The following RALGPS1 variants were observed in gnomAD, a reference collection of about 807,000 sequenced individuals.
RALGPS1 encodes the protein ras-specific guanine nucleotide-releasing factor RalGPS1.
Under a neutral mutation model 78.8 loss-of-function variants are expected in RALGPS1, and 19 were observed. The observed-to-expected ratio is 0.24, with a 90% CI of 0.17 to 0.35. The LOEUF (loss-of-function observed/expected upper bound fraction) is 0.35. RALGPS1 is among the 10% of genes least tolerant of loss of function. The pLI is 1.00. For synonymous variants in RALGPS1, 228 were observed against 256.3 expected (o/e 0.89, Z 1.06); for missense variants, 454 against 688.3 (o/e 0.66, Z 3.81).
At chr9:126,973,611 G>A (rs907658702) in intron 3 of RALGPS1, among the ~76,000 whole-genome samples, 6 of 152,100 alleles carry the variant, frequency 3.9e-5, no homozygotes, top group Non-Finnish European at 7.4e-5. Context: ...CAAAATATAC[G>A]TAATATAAAA....
Position 127,214,788 on chromosome 9 carries a change from T to A in RALGPS1, c.1590T>A (p.His530Gln), listed in dbSNP as rs761735864. The A allele has an allele frequency of 6.2e-7, 1 of 1,611,444 alleles. No individual in the cohort carries two copies. The highest frequency in any genetic ancestry group is 2.2e-5 in the East Asian group (1 of 44,634). ...AGTTTCAGACTGGTTCCCGATTTCA[T>A]GCAATACTGTGGCACAAGCATTTGG... ...VYKFQTGSRFHAILWHKHLDD... is the reference protein window; with the variant it reads ...VYKFQTGSRFQAILWHKHLDD... Residue 530 changes from histidine to glutamine, a missense_variant, in exon 18 of 19, where the codon CAT (histidine) becomes CAA (glutamine). His to Gln is a conservative substitution (Grantham distance 24). Transcript: ENST00000259351.
Position 127,165,502 on chromosome 9 carries a change from A to G in RALGPS1, c.611-567A>G, listed in dbSNP as rs141785293. ...TAACATAGCTGTATTTTTATTTCAC[A>G]TCTTATTTTCTTATTAAGCACGATT... is the stretch of plus-strand genomic sequence containing the variant. On this transcript the variant is annotated intron_variant, in intron 8 of 18. Transcript: ENST00000259351. Among the ~76,000 whole-genome samples, 1,103 of 152,314 alleles carry G rather than the reference A, an allele frequency of 7.2e-3. 9 individuals carry two copies. Among genetic ancestry groups the G allele is most frequent in the Non-Finnish European group, 0.011 (777 of 68,008 alleles).
At chr9:127,077,432 G>GT (rs955170565) in intron 8 of RALGPS1, among the ~76,000 whole-genome samples, 11 of 152,192 alleles carry the variant, frequency 7.2e-5, no homozygotes, top group African/African-American at 2.7e-4. Context: ...CCATTTGTGC[G>GT]TTTCAGCTGT....
At chr9:127,168,144 G>C (rs1004756616) in intron 9 of RALGPS1, among the ~76,000 whole-genome samples, 3 of 152,246 alleles carry the variant, frequency 2.0e-5, no homozygotes, top group African/African-American at 7.2e-5. Flanking sequence ...TCAGGTGCCT[G>C]GACCCCTCCC....
chr9:127,185,140 C>T (rs934699353), intron 11 of RALGPS1, among the ~76,000 whole-genome samples: 1 of 152,204 alleles, frequency 6.6e-6, no homozygotes, highest in East Asian at 1.9e-4. Context: ...CCAAGTCCCC[C>T]TCCCTCCATA....
At chr9:126,962,005 AT>A (rs924436712) in intron 1 of RALGPS1, among the ~76,000 whole-genome samples, 1 of 152,102 alleles carries the variant, frequency 6.6e-6, no homozygotes, top group East Asian at 1.9e-4. Context: ...AAATCTTCCA[AT>A]TTTTAAATGT....
chr9:127,119,206 A>C (rs1471639042), intron 8 of RALGPS1, among the ~76,000 whole-genome samples: 1 of 152,198 alleles, frequency 6.6e-6, no homozygotes, highest in Non-Finnish European at 1.5e-5. Context: ...AGGTACCCTC[A>C]TAACTGTGCT....
intron 7 of RALGPS1, 84 bp downstream of exon 7, chr9:127,053,023 C>T: frequency 3.1e-6 from 3 of 983,316 alleles, no homozygotes; most frequent in Non-Finnish European, 4.9e-6. Context: ...CAGCCTTTCT[C>T]TTACTGTCTA....
At chr9:127,070,608 C>G (rs1225902298) in intron 8 of RALGPS1, among the ~76,000 whole-genome samples, 1 of 151,948 alleles carries the variant, frequency 6.6e-6, no homozygotes, top group Non-Finnish European at 1.5e-5. Flanking sequence ...CTTTTTCTTT[C>G]TTTCTTTTTT....
In RALGPS1 at chr9:127,069,315, A is replaced by G; in HGVS notation, c.569A>G (p.Tyr190Cys). 1.2e-6 allele frequency: 2 copies of G among 1,614,090 alleles called. No individual in the cohort carries two copies. Among genetic ancestry groups the G allele is most frequent in the East Asian group, 2.2e-5 (1 of 44,892 alleles). Residue 190 changes from tyrosine (Y) to cysteine (C), a missense_variant, in exon 8 of 19, where the codon TAT becomes TGT. Tyr to Cys is a radical substitution (Grantham distance 194). Coordinates refer to ENST00000259351, the MANE Select transcript of RALGPS1 (RefSeq NM_014636.3). ...KEDNYKRTRE[Y>C]IRSLKMVPSI... is the part of the protein sequence containing the mutation. ...GATAATTACAAGCGGACACGGGAAT[A>G]TATCCGAAGCCTGAAGATGGTTCCA...
intron 14 of RALGPS1, among the ~76,000 whole-genome samples, chr9:127,202,978 A>G (rs1285651251): frequency 1.3e-5 from 2 of 152,118 alleles, no homozygotes; most frequent in Non-Finnish European, 1.5e-5. Context: ...TCTCCAACCA[A>G]CCTCGGGCCC....
chr9:127,113,704 G>C (rs1662282684), intron 8 of RALGPS1, among the ~76,000 whole-genome samples: 1 of 152,198 alleles, frequency 6.6e-6, no homozygotes, highest in Non-Finnish European at 1.5e-5. Context: ...TCACGCATGG[G>C]TTTTCCCTCC....
Position 127,212,077 on chromosome 9 carries a change from G to A in RALGPS1, c.1248-54G>A, listed in dbSNP as rs2062295337. ...ACCTGTGGTCCCCAGTGAGTGAGAG[G>A]GTGCTTGACCTCAGCTCCTCCAGGG... is the stretch of plus-strand genomic sequence containing the variant. On this transcript the variant is annotated intron_variant, in intron 14 of 18. Coordinates refer to ENST00000259351, the MANE Select transcript of RALGPS1 (RefSeq NM_014636.3). This position sits in a 1 kb window ranked among gnomAD's most constrained non-coding sequence, Gnocchi z 6.0. 2 of 1,429,238 alleles carry A rather than the reference G, an allele frequency of 1.4e-6. No individual in the cohort carries two copies. The highest frequency in any genetic ancestry group is 1.4e-5 in the African/African-American group (1 of 70,428). The allele number at this position is 1,429,238 out of a possible 1,614,324, so 88.5% of individuals were successfully genotyped here. A position where few individuals can be genotyped will look rare whatever the true frequency, so the allele number is the denominator to read the frequency against.
intron 1 of RALGPS1, among the ~76,000 whole-genome samples, chr9:126,936,257 G>C (rs2036249170): frequency 6.6e-6 from 1 of 152,234 alleles, no homozygotes; most frequent in South Asian, 2.1e-4. Flanking sequence ...GGCCATGGAA[G>C]GGAGAGAAGG....
intron 7 of RALGPS1, among the ~76,000 whole-genome samples, chr9:127,061,404 T>C (rs556655571): frequency 6.6e-6 from 1 of 152,360 alleles, no homozygotes; most frequent in East Asian, 1.9e-4. Context: ...TGTTTGCAAG[T>C]TGAGCTGAAG....
At chr9:126,956,690 T>TC (rs1372098058) in intron 1 of RALGPS1, among the ~76,000 whole-genome samples, 1 of 152,122 alleles carries the variant, frequency 6.6e-6, no homozygotes, top group Non-Finnish European at 1.5e-5. Context: ...ATGATCCCCT[T>TC]CCCAGCAGTG....
intron 8 of RALGPS1, among the ~76,000 whole-genome samples, chr9:127,115,212 G>A (rs2055276323): frequency 1.3e-5 from 2 of 151,920 alleles, no homozygotes; most frequent in South Asian, 4.2e-4. Flanking sequence ...ATTTTGAGAT[G>A]GAGTTTCGCT....
At chr9:127,158,495 C>T (rs897083709) in intron 8 of RALGPS1, among the ~76,000 whole-genome samples, 15 of 152,082 alleles carry the variant, frequency 9.9e-5, no homozygotes, top group African/African-American at 1.9e-4. Flanking sequence ...ATCATATCCC[C>T]GCTCTCATCC....
chr9:127,171,566 C>T (rs991987267), intron 10 of RALGPS1, among the ~76,000 whole-genome samples: 64 of 152,326 alleles, frequency 4.2e-4, no homozygotes, highest in Non-Finnish European at 8.2e-4. Context: ...TCAAGAACAG[C>T]CTGACCAACA....
Sources: gnomAD v4.1 joint callset for allele counts (sites outside exome capture counted in the v4.1 genomes callset) on GRCh38, gnomAD v4.1.1 for gene constraint, Gnocchi (gnomAD v3.1) non-coding constraint, MANE v1.5 for transcripts, NCBI Gene and HGNC (gene_info 2026-07-23, HGNC 2026-07-21) for gene names.